TSHZ3: variants seen among roughly 807,000 people sequenced by gnomAD.
The protein encoded by TSHZ3 is teashirt homolog 3.
Under a neutral mutation model 64.5 loss-of-function variants are expected in TSHZ3, and 10 were observed. That is an observed-to-expected ratio of 0.16 (90% CI 0.10 to 0.26). The LOEUF is 0.26. Ranked by LOEUF, TSHZ3 falls within the 10% of genes least tolerant of loss-of-function variation. TSHZ3 has a pLI of 1.00. For missense variants in TSHZ3, 1,242 were observed against 1,421.7 expected, an observed-to-expected ratio of 0.87 and a Z score of 2.03; for synonymous variants, 608 against 593.1, an observed-to-expected ratio of 1.03 and a Z score of -0.36.
At chr19:31,224,292 G>A (rs1468713225) in intron 4 of TSHZ3, among the ~76,000 whole-genome samples, 2 of 152,186 alleles carry the variant, frequency 1.3e-5, no homozygotes, top group South Asian at 2.1e-4. Flanking sequence ...AGTAGAGAGC[G>A]GGAGTTATAG....
chr19:31,287,635 G>C (rs989972266), intron 1 of TSHZ3, among the ~76,000 whole-genome samples: 1 of 152,166 alleles, frequency 6.6e-6, no homozygotes, highest in Non-Finnish European at 1.5e-5. Context: ...TAGGGCTGGC[G>C]TAGGGGAGAG....
At chr19:31,167,038 C>A (rs188959236) in intron 5 of TSHZ3, among the ~76,000 whole-genome samples, 145 of 152,176 alleles carry the variant, frequency 9.5e-4, no homozygotes, top group African/African-American at 3.1e-3. Flanking sequence ...GAGCTGAGAC[C>A]GGAGCCCCAT....
intron 5 of TSHZ3, among the ~76,000 whole-genome samples, chr19:31,194,675 A>G (rs1461567706): frequency 6.6e-6 from 1 of 152,210 alleles, no homozygotes; most frequent in African/African-American, 2.4e-5. Context: ...ACCAGCTATC[A>G]AGAGAAAAGT....
intron 3 of TSHZ3, among the ~76,000 whole-genome samples, chr19:31,228,760 G>A (rs972474356): frequency 1.3e-5 from 2 of 152,266 alleles, no homozygotes; most frequent in Middle Eastern, 3.4e-3. Flanking sequence ...CTGCCAGGAT[G>A]TTAAGCAGAG....
intron 3 of TSHZ3, among the ~76,000 whole-genome samples, chr19:31,239,336 T>C (rs1320401965): frequency 1.3e-5 from 2 of 152,156 alleles, no homozygotes; most frequent in African/African-American, 4.8e-5. Flanking sequence ...GGGAGGCTTT[T>C]ATATTTACAG....
chr19:31,232,945 A>C (rs1275145022), intron 3 of TSHZ3, among the ~76,000 whole-genome samples: 1 of 152,168 alleles, frequency 6.6e-6, no homozygotes, highest in Non-Finnish European at 1.5e-5. Context: ...TAAATGTATT[A>C]TAGTTGTTGA....
intron 5 of TSHZ3, among the ~76,000 whole-genome samples, chr19:31,168,834 G>A (rs1974494962): frequency 6.6e-6 from 1 of 152,174 alleles, no homozygotes; most frequent in Non-Finnish European, 1.5e-5. Context: ...GTAGTCTGTG[G>A]CCTGCTGCAT....
intron 3 of TSHZ3, among the ~76,000 whole-genome samples, chr19:31,235,341 C>G (rs1975592069): frequency 6.6e-6 from 1 of 151,942 alleles, no homozygotes; most frequent in Non-Finnish European, 1.5e-5. Context: ...ACCAACATTT[C>G]CCCATTTCCC....
At chr19:31,308,629 C>T (rs1330792676) in intron 1 of TSHZ3, 1 of 398,442 alleles carries the variant, frequency 2.5e-6, no homozygotes, top group Non-Finnish European at 4.4e-6. Flanking sequence ...CACAGGTACA[C>T]AGGGGTAGTG....
intron 5 of TSHZ3, among the ~76,000 whole-genome samples, chr19:31,201,218 T>C (rs1975082075): frequency 6.6e-6 from 1 of 152,186 alleles, no homozygotes; most frequent in Non-Finnish European, 1.5e-5. Flanking sequence ...TTTTTAATAA[T>C]GGTTAAATTA....
chr19:31,184,584 T>G (rs1446633652), intron 5 of TSHZ3, among the ~76,000 whole-genome samples: 1 of 152,204 alleles, frequency 6.6e-6, no homozygotes, highest in East Asian at 1.9e-4. Flanking sequence ...TATTTTTACT[T>G]GTGTGAATAA....
intron 3 of TSHZ3, among the ~76,000 whole-genome samples, chr19:31,230,000 T>A (rs540111976): frequency 1.3e-5 from 2 of 152,336 alleles, no homozygotes; most frequent in East Asian, 3.9e-4. Context: ...GGCAAAATTC[T>A]TTAAAATATG....
intron 4 of TSHZ3, among the ~76,000 whole-genome samples, chr19:31,227,980 C>A (rs1975491133): frequency 6.6e-6 from 1 of 152,308 alleles, no homozygotes; most frequent in African/African-American, 2.4e-5. Context: ...GGACCCCCAA[C>A]AAGTCCATAA....
intron 1 of TSHZ3, among the ~76,000 whole-genome samples, chr19:31,332,275 C>A (rs900905456): frequency 6.6e-6 from 1 of 152,060 alleles, no homozygotes; most frequent in Non-Finnish European, 1.5e-5. Flanking sequence ...GAATGCGGCT[C>A]CCACTCGCTC....
chr19:31,259,624 C>A (rs1426764025), intron 1 of TSHZ3, among the ~76,000 whole-genome samples: 1 of 151,632 alleles, frequency 6.6e-6, no homozygotes, highest in Non-Finnish European at 1.5e-5. Flanking sequence ...CCCTGGGTAT[C>A]TGAGCTCACT....
At position 31,279,248 on chromosome 19, in the gene TSHZ3, C is replaced by T; in HGVS notation, c.545G>A (p.Ser182Asn). Reference sequence around the variant, plus strand: ...GAGGCTGGGCTCCGGGAGCATGCGGCTCTGTGACACCTGCTGCAGCGTCTT... The same window carrying T: ...GAGGCTGGGCTCCGGGAGCATGCGGTTCTGTGACACCTGCTGCAGCGTCTT... ...MAKTLQQVSQ[S>N]RMLPEPSLFS... The change falls in exon 2 of 2, where the codon AGC becomes AAC. Residue 182 changes from serine (S) to asparagine (N), a missense_variant. By Grantham distance (46) the Ser-to-Asn change is conservative. Around this residue, in one of 4 missense-constraint regions of TSHZ3, gnomAD observed 555 missense variants for 704.0 expected, o/e 0.79. Coordinates refer to ENST00000240587, the MANE Select transcript of TSHZ3 (RefSeq NM_020856.4). This position sits in a 1 kb window ranked among gnomAD's most constrained non-coding sequence, Gnocchi z 6.4. The T allele has an allele frequency of 6.2e-6, 10 of 1,614,152 alleles. No individual in the cohort carries two copies. Among genetic ancestry groups the T allele is most frequent in the Non-Finnish European group, 7.6e-6 (9 of 1,180,022 alleles).
chr19:31,167,641 C>A (rs1599556642), intron 5 of TSHZ3: 3 of 152,240 alleles, frequency 2.0e-5, no homozygotes, highest in African/African-American at 7.2e-5. Context: ...GGGAAAACAG[C>A]AAGCTCTCTT....
chr19:31,251,731 A>G (rs1394376666), intron 1 of TSHZ3, among the ~76,000 whole-genome samples: 1 of 152,224 alleles, frequency 6.6e-6, no homozygotes, highest in Non-Finnish European at 1.5e-5. Context: ...CGGAAGATGC[A>G]GCAGGCTGTG....
At chr19:31,188,895 GT>G (rs2145135520) in intron 5 of TSHZ3, among the ~76,000 whole-genome samples, 1 of 152,032 alleles carries the variant, frequency 6.6e-6, no homozygotes, top group Non-Finnish European at 1.5e-5. Flanking sequence ...GAATTCAAAA[GT>G]GATCTAATAT....
Sources: allele counts gnomAD v4.1 joint callset (sites outside exome capture counted in the v4.1 genomes callset), GRCh38; gene constraint gnomAD v4.1.1; regional missense constraint gnomAD v4.1.1; non-coding constraint Gnocchi (gnomAD v3.1); transcripts MANE v1.5; gene names NCBI Gene and HGNC (gene_info 2026-07-23, HGNC 2026-07-21).